CLASP1: variants seen among roughly 807,000 people sequenced by gnomAD.
CLASP1 encodes cytoplasmic linker associated protein 1.
A neutral mutation model predicts 192.3 loss-of-function variants in CLASP1; 38 were observed. The observed-to-expected ratio is 0.20, with a 90% CI of 0.15 to 0.26. CLASP1 has a LOEUF of 0.26. Among genes scored for constraint, CLASP1 ranks in the 10% least tolerant of loss-of-function variants. The probability of loss-of-function intolerance (pLI) is 1.00; values close to 1 mark genes in which losing one functional copy is unlikely to be tolerated. For missense variants in CLASP1, 1,433 were observed against 1,932.5 expected, an observed-to-expected ratio of 0.74 and a Z score of 4.85; for synonymous variants, 691 against 712.8, an observed-to-expected ratio of 0.97 and a Z score of 0.49.
intron 1 of CLASP1, among the ~76,000 whole-genome samples, chr2:121,640,605 G>A (rs1055622261): frequency 2.6e-5 from 4 of 151,902 alleles, no homozygotes; most frequent in Non-Finnish European, 4.4e-5. Context: ...GTGGTTTCCA[G>A]ATGCTGCCAG....
chr2:121,484,297 A>C (rs1326469165), intron 8 of CLASP1, among the ~76,000 whole-genome samples: 3 of 152,214 alleles, frequency 2.0e-5, no homozygotes, highest in African/African-American at 4.8e-5. Context: ...CCACCACTGA[A>C]GCCTGCTCAC....
At chr2:121,422,779 C>T (rs2079723976) in intron 22 of CLASP1, among the ~76,000 whole-genome samples, 1 of 152,040 alleles carries the variant, frequency 6.6e-6, no homozygotes, top group Non-Finnish European at 1.5e-5. Flanking sequence ...TCATTTCAAA[C>T]AAAAAGAGGC....
chr2:121,627,450 T>A (rs2068594552), intron 1 of CLASP1, among the ~76,000 whole-genome samples: 1 of 152,156 alleles, frequency 6.6e-6, no homozygotes, highest in South Asian at 2.1e-4. Flanking sequence ...GACAAGTAAA[T>A]AATCTATTCC....
rs750577439 is a variant in CLASP1 at position 121,367,754 on chromosome 2, A to T, written c.3720T>A (p.Ala1240=). ...TGAGTAGTGAGGTCTTGTTATCCAG[A>T]GCTGTCCGGCCTCCTTCTACTTCAC... is the stretch of plus-strand genomic sequence containing the variant. Residue 1240 remains alanine, a synonymous_variant, in exon 35 of 40, where the codon GCT becomes GCA. Transcript: ENST00000263710. 5 of 1,613,900 alleles carry T rather than the reference A, an allele frequency of 3.1e-6. 1 individual carries two copies. The South Asian group carries it at 5.5e-5, about 18-fold the overall frequency.
intron 1 of CLASP1, among the ~76,000 whole-genome samples, chr2:121,615,729 A>G (rs1186169363): frequency 1.3e-5 from 2 of 152,340 alleles, no homozygotes; most frequent in East Asian, 3.9e-4. Flanking sequence ...AGTTGCAGTG[A>G]GCCAAGATCG....
chr2:121,365,004 A>G lies in CLASP1; in HGVS notation c.4077+90T>C, dbSNP rs745701160. ...ATGTAAACAGTAAGCACAACCCAGA[A>G]AGTAAAGCTGAAGCTAAGCCCAATA... is the stretch of plus-strand genomic sequence containing the variant. On this transcript the variant is annotated intron_variant, in intron 36 of 39. Coordinates refer to ENST00000263710, the Ensembl canonical transcript of CLASP1. 14 of 1,209,022 alleles carry G rather than the reference A, an allele frequency of 1.2e-5. No homozygotes were observed. The Admixed American group carries it at 2.2e-4, about 19-fold the overall frequency. 74.9% of individuals were successfully genotyped at this position (1,209,022 alleles called of 1,614,324 possible). A position where few individuals can be genotyped will look rare whatever the true frequency, so the allele number is the denominator to read the frequency against.
intron 1 of CLASP1, among the ~76,000 whole-genome samples, chr2:121,644,328 A>G (rs920256790): frequency 5.9e-5 from 9 of 151,662 alleles, no homozygotes; most frequent in Non-Finnish European, 1.0e-4. Context: ...TTTGTTTCAG[A>G]CACTGCATTT....
chr2:121,414,200 G>A (rs1431418672), intron 23 of CLASP1, among the ~76,000 whole-genome samples: 1 of 152,178 alleles, frequency 6.6e-6, no homozygotes, highest in African/African-American at 2.4e-5. Context: ...ATGACGTCGA[G>A]AGGCTGCAGG....
chr2:121,465,424 C>T (rs1280421136), intron 9 of CLASP1, among the ~76,000 whole-genome samples: 1 of 152,156 alleles, frequency 6.6e-6, no homozygotes, highest in Non-Finnish European at 1.5e-5. Flanking sequence ...TTCACAATTG[C>T]TTCAAAGATA....
At chr2:121,579,331 G>A (rs1198306892) in intron 2 of CLASP1, among the ~76,000 whole-genome samples, 1 of 152,130 alleles carries the variant, frequency 6.6e-6, no homozygotes, top group Non-Finnish European at 1.5e-5. Context: ...TTAAAAATTG[G>A]TGTTTCATGT....
chr2:121,569,678 TGGG>T (rs2059813937), intron 2 of CLASP1, among the ~76,000 whole-genome samples: 1 of 151,698 alleles, frequency 6.6e-6, no homozygotes, highest in Admixed American at 6.6e-5. Flanking sequence ...CATGATGAAA[TGGG>T]ATATAAAAAG....
intron 2 of CLASP1, among the ~76,000 whole-genome samples, chr2:121,546,818 T>C (rs911332202): frequency 6.6e-6 from 1 of 152,168 alleles, no homozygotes. Flanking sequence ...ACCCTGAGCA[T>C]AGCATGGCTG....
intron 2 of CLASP1, among the ~76,000 whole-genome samples, chr2:121,576,190 AT>A (rs961926492): frequency 8.6e-5 from 13 of 151,454 alleles, no homozygotes; most frequent in African/African-American, 1.9e-4. Flanking sequence ...TACAGGTAAA[AT>A]TTTTTTTTTA....
chr2:121,346,977 G>T (rs2063531670), intron 39 of CLASP1, 61 bp downstream of exon 40: 1 of 1,051,302 alleles, frequency 9.5e-7, no homozygotes, highest in Admixed American at 2.2e-5. Context: ...CAGTCAAATG[G>T]ATTTATGACA....
At chr2:121,585,842 G>A (rs1327220597) in intron 2 of CLASP1, among the ~76,000 whole-genome samples, 1 of 150,736 alleles carries the variant, frequency 6.6e-6, no homozygotes, top group East Asian at 2.0e-4. Context: ...GGCGGTTGCA[G>A]TGAGCCGAGA....
chr2:121,360,352 T>C (rs1462344160), intron 37 of CLASP1, among the ~76,000 whole-genome samples: 1 of 152,210 alleles, frequency 6.6e-6, no homozygotes, highest in African/African-American at 2.4e-5. Context: ...TGACTTTGTA[T>C]GACTAATAAA....
intron 8 of CLASP1, 24 bp from the exon 9 acceptor site, chr2:121,469,984 A>G (rs755854762): frequency 8.2e-6 from 13 of 1,583,516 alleles, no homozygotes; most frequent in Non-Finnish European, 1.1e-5. Flanking sequence ...ACAGAAACCA[A>G]CGTTTTTTTA....
chr2:121,443,637 T>C (rs1354565936), intron 19 of CLASP1, among the ~76,000 whole-genome samples: 1 of 152,224 alleles, frequency 6.6e-6, no homozygotes, highest in Non-Finnish European at 1.5e-5. Flanking sequence ...ATTTTAATTC[T>C]GGAATTTTTT....
intron 1 of CLASP1, among the ~76,000 whole-genome samples, chr2:121,626,085 C>T (rs561067706): frequency 2.8e-5 from 4 of 145,330 alleles, no homozygotes; most frequent in South Asian, 2.2e-4. Flanking sequence ...GGAGGCAGAG[C>T]GAGACTCCAT....
Sources: gnomAD v4.1 joint callset for allele counts (sites outside exome capture counted in the v4.1 genomes callset) on GRCh38, gnomAD v4.1.1 for gene constraint, MANE v1.5 for transcripts, NCBI Gene and HGNC (gene_info 2026-07-23, HGNC 2026-07-21) for gene names.